XPR1: variants seen among roughly 807,000 people sequenced by gnomAD.
XPR1 encodes the protein solute carrier family 53 member 1.
A neutral mutation model predicts 87.5 loss-of-function variants in XPR1; 28 were observed. The observed-to-expected ratio is 0.32, with a 90% confidence interval of 0.24 to 0.44. The LOEUF is 0.44. XPR1 is among the 20% of genes least tolerant of loss of function. XPR1 has a pLI of 1.00. For missense variants in XPR1, 559 were observed against 862.3 expected (o/e 0.65, Z 4.41); for synonymous variants, 300 against 306.1 (o/e 0.98, Z 0.21).
intron 2 of XPR1, among the ~76,000 whole-genome samples, chr1:180,779,582 T>C (rs1230566269): frequency 1.3e-5 from 2 of 151,736 alleles, no homozygotes; most frequent in Non-Finnish European, 2.9e-5. Flanking sequence ...TGGTGAAACA[T>C]CATCTCTAGT....
At chr1:180,840,871 G>C (rs1049357484) in intron 11 of XPR1, among the ~76,000 whole-genome samples, 1 of 151,924 alleles carries the variant, frequency 6.6e-6, no homozygotes, top group African/African-American at 2.4e-5. Context: ...TAGATAGGTA[G>C]ACAGGGAGGC....
chr1:180,818,050 T>G (rs1558023181), intron 7 of XPR1, among the ~76,000 whole-genome samples: 1 of 151,446 alleles, frequency 6.6e-6, no homozygotes, highest in Non-Finnish European at 1.5e-5. Context: ...ATGCTCCCAG[T>G]TGTAATTGGT....
At chr1:180,707,550 A>G (rs191711320) in intron 2 of XPR1, among the ~76,000 whole-genome samples, 4 of 152,352 alleles carry the variant, frequency 2.6e-5, no homozygotes, top group East Asian at 1.9e-4. Context: ...ACATAACACT[A>G]TCTGAATAGG....
At chr1:180,872,524 C>T (rs1652532175) in intron 12 of XPR1, among the ~76,000 whole-genome samples, 1 of 57,200 alleles carries the variant, frequency 1.7e-5, no homozygotes, top group Non-Finnish European at 3.5e-5. Context: ...TCGTGGTGCG[C>T]CGTTTCTTAA....
At chr1:180,838,295 A>G (rs1475882923) in intron 11 of XPR1, among the ~76,000 whole-genome samples, 4 of 151,976 alleles carry the variant, frequency 2.6e-5, no homozygotes, top group Non-Finnish European at 5.9e-5. Flanking sequence ...TCATCTTCAC[A>G]TTGTGTAGGC....
Position 180,723,361 on chromosome 1 carries a change from G to A in XPR1, c.121+40950G>A, listed in dbSNP as rs114015741. On this transcript the variant is annotated intron_variant, in intron 2 of 14. Coordinates refer to ENST00000367590, the MANE Select transcript of XPR1 (RefSeq NM_004736.4). The stretch of plus-strand genomic sequence containing the variant: ...TTGTTATATTAATTATGTAGGTAAC[G>A]TCAAAGTTATATACTCCAATTATTA... 7.8e-3 allele frequency among the ~76,000 whole-genome samples: 1,184 copies of A among 152,138 alleles called. 17 individuals are homozygous for A. The highest frequency in any genetic ancestry group is 0.027 in the African/African-American group (1,131 of 41,492).
chr1:180,742,869 CTT>C (rs755527403), intron 2 of XPR1, among the ~76,000 whole-genome samples: 9 of 151,942 alleles, frequency 5.9e-5, no homozygotes, highest in Non-Finnish European at 8.8e-5. Context: ...TGAATTGACT[CTT>C]TTATGAGATG....
At chr1:180,744,713 C>T (rs1046099916) in intron 2 of XPR1, among the ~76,000 whole-genome samples, 53 of 130,932 alleles carry the variant, frequency 4.0e-4, no homozygotes, top group African/African-American at 1.1e-3. Flanking sequence ...TGCAATGGCA[C>T]GATCTCGGCT....
chr1:180,880,815 A>G (rs1179847348), intron 14 of XPR1, among the ~76,000 whole-genome samples: 1 of 144,274 alleles, frequency 6.9e-6, no homozygotes, highest in Non-Finnish European at 1.5e-5. Flanking sequence ...TACTATTTTT[A>G]TCTTCTTATT....
intron 2 of XPR1, among the ~76,000 whole-genome samples, chr1:180,784,716 C>T (rs898418618): frequency 6.6e-6 from 1 of 151,910 alleles, no homozygotes; most frequent in African/African-American, 2.4e-5. Flanking sequence ...GGCTGGTTCA[C>T]CCAGCCCTAT....
intron 2 of XPR1, among the ~76,000 whole-genome samples, chr1:180,738,289 G>A (rs1215152497): frequency 6.6e-6 from 1 of 152,164 alleles, no homozygotes; most frequent in Admixed American, 6.5e-5. Flanking sequence ...AGGATTACAG[G>A]TGTGAGCCGC....
At chr1:180,676,193 T>G (rs1157032518) in intron 1 of XPR1, among the ~76,000 whole-genome samples, 1 of 152,212 alleles carries the variant, frequency 6.6e-6, no homozygotes, top group African/African-American at 2.4e-5. Context: ...TTGTTAATCA[T>G]CTTTAAAGTA....
chr1:180,779,826 C>T (rs943477279), intron 2 of XPR1, among the ~76,000 whole-genome samples: 2 of 152,122 alleles, frequency 1.3e-5, no homozygotes, highest in Non-Finnish European at 2.9e-5. Context: ...TCCCTCCCCG[C>T]TCCTCCTACC....
At chr1:180,741,411 A>G (rs1571787569) in intron 2 of XPR1, among the ~76,000 whole-genome samples, 1 of 150,352 alleles carries the variant, frequency 6.7e-6, no homozygotes, top group Non-Finnish European at 1.5e-5. Context: ...GGTGATCCAC[A>G]CCCTTCGGCC....
chr1:180,635,931 A>G (rs1355665150), intron 1 of XPR1, among the ~76,000 whole-genome samples: 1 of 152,218 alleles, frequency 6.6e-6, no homozygotes, highest in African/African-American at 2.4e-5. Flanking sequence ...AGAACTTAAC[A>G]GGAGTATTAA....
intron 2 of XPR1, among the ~76,000 whole-genome samples, chr1:180,725,171 T>A (rs1269557856): frequency 6.6e-6 from 1 of 152,210 alleles, no homozygotes; most frequent in Non-Finnish European, 1.5e-5. Context: ...ATCTGGAGAT[T>A]CTGGTTAAAA....
chr1:180,690,482 T>C (rs1656941102), intron 2 of XPR1, among the ~76,000 whole-genome samples: 2 of 152,132 alleles, frequency 1.3e-5, no homozygotes, highest in African/African-American at 4.8e-5. Context: ...AATGTATTAC[T>C]ATGAACTACA....
chr1:180,841,203 G>A (rs147182293), intron 11 of XPR1, among the ~76,000 whole-genome samples: 105 of 152,152 alleles, frequency 6.9e-4, no homozygotes, highest in Middle Eastern at 3.4e-3. Context: ...CAGTCTCCTA[G>A]GCCTCAGAAT....
intron 1 of XPR1, among the ~76,000 whole-genome samples, chr1:180,634,962 T>C (rs1654716711): frequency 1.3e-5 from 2 of 152,106 alleles, no homozygotes; most frequent in Non-Finnish European, 2.9e-5. Context: ...AGTAAGTATA[T>C]AGGGCCAGAG....
Sources: allele counts gnomAD v4.1 joint callset (sites outside exome capture counted in the v4.1 genomes callset), GRCh38; gene constraint gnomAD v4.1.1; transcripts MANE v1.5; gene names NCBI Gene and HGNC (gene_info 2026-07-23, HGNC 2026-07-21).